ADARB2: variants seen among roughly 807,000 people sequenced by gnomAD.
ADARB2 encodes the protein adenosine deaminase RNA specific B2 (inactive), also known as inactive double-stranded RNA-specific editase B2.
ADARB2 carries 25 observed loss-of-function variants against 62.2 expected under a neutral mutation model. The ratio of observed to expected loss-of-function variants is 0.40; its 90% CI spans 0.29 to 0.56. The LOEUF (loss-of-function observed/expected upper bound fraction) is 0.56. Among genes scored for constraint, ADARB2 ranks in the 20% least tolerant of loss-of-function variants. The pLI is 0.43. For synonymous variants in ADARB2, 572 were observed against 500.8 expected, an observed-to-expected ratio of 1.14 and a Z score of -1.90; for missense variants, 1,071 against 1,077.4, an observed-to-expected ratio of 0.99 and a Z score of 0.08.
chr10:1,293,171 GA>G (rs571053290), intron 3 of ADARB2, among the ~76,000 whole-genome samples: 290 of 47,306 alleles, frequency 6.1e-3, no homozygotes, highest in African/African-American at 0.017. Context: ...AAGAAGGGGG[GA>G]GAGGGGGAGA....
At chr10:1,205,345 C>G (rs563723127) in intron 7 of ADARB2, among the ~76,000 whole-genome samples, 28 of 108,086 alleles carry the variant, frequency 2.6e-4, no homozygotes, top group East Asian at 6.5e-4. Flanking sequence ...AGACAACTCA[C>G]TGGAGCCCGT....
At chr10:1,673,910 C>A (rs1346139573) in intron 1 of ADARB2, among the ~76,000 whole-genome samples, 1 of 152,238 alleles carries the variant, frequency 6.6e-6, no homozygotes, top group Non-Finnish European at 1.5e-5. Context: ...AAAATAGAAG[C>A]AGCAATCATA....
At chr10:1,666,953 G>C (rs1055984558) in intron 1 of ADARB2, among the ~76,000 whole-genome samples, 1 of 152,116 alleles carries the variant, frequency 6.6e-6, no homozygotes. Flanking sequence ...CGTACTTTCA[G>C]AATTTGTGTA....
chr10:1,451,874 C>T (rs914244571), intron 1 of ADARB2, among the ~76,000 whole-genome samples: 5 of 152,206 alleles, frequency 3.3e-5, no homozygotes, highest in Admixed American at 2.6e-4. Context: ...TCTGTCTTCT[C>T]GCCCACATGT....
rs183305314 is a variant in ADARB2 at position 1,584,129 on chromosome 10, T to C, written c.100+152922A>G. ...CAAGAAACAATCCATAAAAACAAAA[T>C]CAATAAATGGGACTTAATTTAAAAA... On this transcript the variant is annotated intron_variant, in intron 1 of 9. Transcript: ENST00000381312. Among the ~76,000 whole-genome samples the C allele has an allele frequency of 1.6e-3, 243 of 152,032 alleles. 1 individual carries two copies. The highest frequency in any genetic ancestry group is 5.4e-3 in the African/African-American group (223 of 41,468).
chr10:1,363,592 G>T lies in ADARB2; in HGVS notation c.513C>A (p.Gly171=). The change falls in exon 3 of 10, where the codon GGC becomes GGA. Residue 171 remains glycine, a synonymous_variant. Coordinates refer to ENST00000381312, the MANE Select transcript of ADARB2 (RefSeq NM_018702.4). ...GCATCTTGGCCTTCTTCTTGGTGGG[G>T]CCTGTGCCCTCGAACGTGAGCCCGT... ...EVNGLTFEGT[G]PTKKKAKMRA... The T allele has an allele frequency of 6.3e-7, 1 of 1,599,030 alleles. No homozygotes were observed. The highest frequency in any genetic ancestry group is 8.5e-7 in the Non-Finnish European group (1 of 1,173,038).
In ADARB2 at chr10:1,712,446, C is replaced by T. The variant is rs1291879616; in HGVS notation, c.100+24605G>A. On this transcript the variant is annotated intron_variant, in intron 1 of 9. Coordinates refer to ENST00000381312, the MANE Select transcript of ADARB2 (RefSeq NM_018702.4). ...AATATACTGCTTTTTTTTTTCTTTGCGTGCCTTCTGCATGAGGAGAGGCTG... is the reference window on the plus strand; with the variant it reads ...AATATACTGCTTTTTTTTTTCTTTGTGTGCCTTCTGCATGAGGAGAGGCTG... Among the ~76,000 whole-genome samples the T allele has an allele frequency of 4.6e-5, 7 of 150,926 alleles. No individual in the cohort carries two copies. The South Asian group carries it at 8.4e-4, about 18-fold the overall frequency.
In ADARB2 at chr10:1,435,637, G is replaced by A. The variant is rs2805549; in HGVS notation, c.101-56477C>T. On this transcript the variant is annotated intron_variant, in intron 1 of 9. Coordinates refer to ENST00000381312, the MANE Select transcript of ADARB2 (RefSeq NM_018702.4). ...CCCTCTCTCTCCTTCCACTTCCTGG[G>A]CGAGACTTCAGGGTTCACAGCATCG... Among the ~76,000 whole-genome samples the A allele has an allele frequency of 7.0e-3, 1,058 of 150,110 alleles. 8 individuals carry two copies. The highest frequency in any genetic ancestry group is 0.025 in the African/African-American group (990 of 39,526).
intron 1 of ADARB2, among the ~76,000 whole-genome samples, chr10:1,528,874 G>A (rs767217358): frequency 6.6e-6 from 1 of 152,198 alleles, no homozygotes; most frequent in Non-Finnish European, 1.5e-5. Context: ...GTGGTCCCAA[G>A]CGGGATCTGC....
At chr10:1,617,075 T>A (rs531568263) in intron 1 of ADARB2, among the ~76,000 whole-genome samples, 3 of 147,602 alleles carry the variant, frequency 2.0e-5, no homozygotes, top group African/African-American at 5.0e-5. Context: ...CTCAGAGGGT[T>A]ACATTCTGTC....
chr10:1,539,108 G>C (rs1371633899), intron 1 of ADARB2, among the ~76,000 whole-genome samples: 1 of 152,218 alleles, frequency 6.6e-6, no homozygotes, highest in Admixed American at 6.5e-5. Context: ...TAGCGGAGGG[G>C]AGGCAAGGCC....
At chr10:1,356,988 C>T (rs1345358268) in intron 3 of ADARB2, among the ~76,000 whole-genome samples, 2 of 152,198 alleles carry the variant, frequency 1.3e-5, no homozygotes, top group Non-Finnish European at 2.9e-5. Flanking sequence ...GATTCCTGGG[C>T]TTTATGGTCA....
Position 1,366,781 on chromosome 10 carries a change from C to T in ADARB2, c.188-2864G>A, listed in dbSNP as rs182233738. Among the ~76,000 whole-genome samples, 17 of 152,320 alleles carry T rather than the reference C, an allele frequency of 1.1e-4. No individual in the cohort carries two copies. In the East Asian group the frequency reaches 2.9e-3, roughly 26 times the overall value. On this transcript the variant is annotated intron_variant, in intron 2 of 9. Transcript: ENST00000381312. Reference sequence around the variant, plus strand: ...GATGAAGCTGAGCCCACAGGCTGCCCCACGTGTGACCGGATGGTGAGCTGT... The same window carrying T: ...GATGAAGCTGAGCCCACAGGCTGCCTCACGTGTGACCGGATGGTGAGCTGT...
chr10:1,379,965 G>A (rs4622180), intron 1 of ADARB2, among the ~76,000 whole-genome samples: 58,132 of 152,176 alleles, frequency 0.38, 11,683 homozygotes, highest in Non-Finnish European at 0.45. Flanking sequence ...AGGAATGGTG[G>A]GTTTGAGGTA....
intron 1 of ADARB2, among the ~76,000 whole-genome samples, chr10:1,474,478 G>C (rs1055498352): frequency 2.0e-5 from 3 of 152,188 alleles, no homozygotes; most frequent in African/African-American, 7.2e-5. Flanking sequence ...TAGGAGGAGG[G>C]GGATGCATCC....
chr10:1,609,111 C>CT (rs1833534652), intron 1 of ADARB2, among the ~76,000 whole-genome samples: 1 of 152,236 alleles, frequency 6.6e-6, no homozygotes, highest in African/African-American at 2.4e-5. Context: ...CGTCGCTGGC[C>CT]TTTGGTCCCC....
intron 4 of ADARB2, among the ~76,000 whole-genome samples, chr10:1,252,332 G>A (rs932009803): frequency 8.5e-5 from 13 of 152,254 alleles, no homozygotes. Flanking sequence ...GGTGTCATGT[G>A]TAATTAACTC....
chr10:1,507,648 C>T (rs1002457467), intron 1 of ADARB2, among the ~76,000 whole-genome samples: 7 of 151,854 alleles, frequency 4.6e-5, no homozygotes, highest in African/African-American at 7.3e-5. Context: ...CGGCTCAGGA[C>T]GAGAGACAGG....
intron 1 of ADARB2, among the ~76,000 whole-genome samples, chr10:1,452,573 T>A (rs901534427): frequency 7.1e-6 from 1 of 140,870 alleles, no homozygotes; most frequent in East Asian, 2.2e-4. Context: ...ATGTTCTCAC[T>A]CGTAAGTGGG....
Sources: allele counts gnomAD v4.1 joint callset (sites outside exome capture counted in the v4.1 genomes callset), GRCh38; gene constraint gnomAD v4.1.1; transcripts MANE v1.5; gene names NCBI Gene and HGNC (gene_info 2026-07-23, HGNC 2026-07-21).